The following FOXP2 variants were observed in gnomAD, a reference collection of about 807,000 sequenced individuals.
The protein encoded by FOXP2 is forkhead box protein P2.
Under a neutral mutation model 115.8 loss-of-function variants are expected in FOXP2, and 12 were observed. That is an observed-to-expected ratio of 0.10 (90% CI 0.07 to 0.17). The LOEUF (loss-of-function observed/expected upper bound fraction) is 0.17, where lower values mean the gene tolerates loss of function less well. FOXP2 is among the 10% of genes least tolerant of loss of function. The pLI is 1.00. For missense variants in FOXP2, 629 were observed against 843.5 expected, an observed-to-expected ratio of 0.75 and a Z score of 3.15; for synonymous variants, 328 against 297.7, an observed-to-expected ratio of 1.10 and a Z score of -1.05.
chr7:114,129,747 GA>G (rs1433678952), intron 1 of FOXP2, among the ~76,000 whole-genome samples: 2 of 152,160 alleles, frequency 1.3e-5, no homozygotes, highest in African/African-American at 4.8e-5. Flanking sequence ...GTTGTTGTGT[GA>G]TTGCTTTATA....
At chr7:114,465,542 A>G (rs1479814144) in intron 2 of FOXP2, among the ~76,000 whole-genome samples, 7 of 152,222 alleles carry the variant, frequency 4.6e-5, no homozygotes, top group Admixed American at 1.3e-4. Context: ...GAGTTTAAAG[A>G]AAAATGTTTC....
chr7:114,575,291 C>A (rs1317312370), intron 3 of FOXP2, among the ~76,000 whole-genome samples: 1 of 151,754 alleles, frequency 6.6e-6, no homozygotes, highest in Non-Finnish European at 1.5e-5. Context: ...TAATGACTAA[C>A]ACATAGTAAA....
intron 1 of FOXP2, among the ~76,000 whole-genome samples, chr7:114,118,044 C>G (rs1439837827): frequency 6.6e-6 from 1 of 152,166 alleles, no homozygotes; most frequent in Non-Finnish European, 1.5e-5. Context: ...GGTTAGACTT[C>G]TAACATATGA....
Position 114,224,095 on chromosome 7 carries a change from T to G in FOXP2, c.-102+61007T>G, listed in dbSNP as rs183271418. Among the ~76,000 whole-genome samples, 609 of 152,244 alleles carry G rather than the reference T, an allele frequency of 4.0e-3. 6 individuals carry two copies. Among genetic ancestry groups the G allele is most frequent in the African/African-American group, 0.014 (578 of 41,556 alleles). On this transcript the variant is annotated intron_variant, in intron 1 of 17. Coordinates refer to the FOXP2 transcript ENST00000634411. ...GGCACCGTTTTGAATAGTCTGTTCC[T>G]TCCCTGTTATACATTATTTCCATTT...
intron 2 of FOXP2, among the ~76,000 whole-genome samples, chr7:114,450,758 A>T: frequency 6.6e-6 from 1 of 152,066 alleles, no homozygotes; most frequent in South Asian, 2.1e-4. Flanking sequence ...AGATTTCTTT[A>T]TGATTAAAAA....
At chr7:114,391,048 G>A (rs538393295) in intron 2 of FOXP2, among the ~76,000 whole-genome samples, 16 of 152,184 alleles carry the variant, frequency 1.1e-4, no homozygotes, top group South Asian at 6.2e-4. Flanking sequence ...TTAGCTGGGC[G>A]TGGTGGCAGG....
chr7:114,138,961 C>T (rs942765614), intron 1 of FOXP2, among the ~76,000 whole-genome samples: 1 of 152,044 alleles, frequency 6.6e-6, no homozygotes, highest in Non-Finnish European at 1.5e-5. Flanking sequence ...TTAATTTTAG[C>T]ATTTTTCTTG....
chr7:114,517,939 T>A (rs1428578115), intron 2 of FOXP2, among the ~76,000 whole-genome samples: 1 of 152,170 alleles, frequency 6.6e-6, no homozygotes, highest in African/African-American at 2.4e-5. Context: ...TTAACAATAT[T>A]AATCCTCCAA....
intron 3 of FOXP2, among the ~76,000 whole-genome samples, chr7:114,571,721 T>A (rs1208709455): frequency 6.6e-6 from 1 of 151,888 alleles, no homozygotes; most frequent in African/African-American, 2.4e-5. Flanking sequence ...TTAAGTATTA[T>A]AAGTGAGCTA....
At position 114,492,277 on chromosome 7, in the gene FOXP2, T is replaced by A. The variant is rs1481627123; in HGVS notation, c.169-42340T>A. ...GTGATATCCCCTTTATCATTTTTTA[T>A]TGCGTGTATTTGATTCTTCTCTCTT... On this transcript the variant is annotated intron_variant, in intron 2 of 16. Transcript: ENST00000350908. Among the ~76,000 whole-genome samples, 5 of 152,300 alleles carry A rather than the reference T, an allele frequency of 3.3e-5. No homozygotes were observed. The East Asian group carries it at 7.7e-4, about 24-fold the overall frequency.
At chr7:114,481,812 A>ATCTATCTATATATCTATC (rs1562952222) in intron 2 of FOXP2, among the ~76,000 whole-genome samples, 8 of 125,134 alleles carry the variant, frequency 6.4e-5, no homozygotes, top group African/African-American at 2.4e-4. Context: ...ATCTATCTAT[A>ATCTATCTATATATCTATC]TATCTATCTA....
intron 1 of FOXP2, among the ~76,000 whole-genome samples, chr7:114,232,563 C>T (rs1794908327): frequency 6.6e-6 from 1 of 152,128 alleles, no homozygotes; most frequent in African/African-American, 2.4e-5. Context: ...CCTGTAATCC[C>T]AGCACTTTGG....
At chr7:114,431,872 T>A (rs897920678) in intron 2 of FOXP2, among the ~76,000 whole-genome samples, 9 of 152,120 alleles carry the variant, frequency 5.9e-5, no homozygotes, top group East Asian at 1.9e-4. Context: ...GTATTTTTTT[T>A]AAATAATACA....
At chr7:114,244,693 C>G (rs889199096) in intron 1 of FOXP2, among the ~76,000 whole-genome samples, 14 of 152,090 alleles carry the variant, frequency 9.2e-5, no homozygotes, top group African/African-American at 2.9e-4. Context: ...TACTGATATA[C>G]TAATACTGGC....
intron 2 of FOXP2, among the ~76,000 whole-genome samples, chr7:114,294,665 A>G (rs552042020): frequency 2.3e-4 from 35 of 151,982 alleles, no homozygotes; most frequent in African/African-American, 8.4e-4. Context: ...ACATGGTGAA[A>G]CTCCGTCTTT....
At chr7:114,412,702 A>G (rs1217448221), upstream of FOXP2, among the ~76,000 whole-genome samples, 1 of 152,094 alleles carries the variant, frequency 6.6e-6, no homozygotes, top group Non-Finnish European at 1.5e-5. Context: ...GCTGTGTGAA[A>G]CTGTTGCCTA....
intron 2 of FOXP2, among the ~76,000 whole-genome samples, chr7:114,479,058 G>T (rs573065196): frequency 5.9e-5 from 9 of 151,346 alleles, no homozygotes; most frequent in Non-Finnish European, 1.0e-4. Flanking sequence ...AAAATGTATC[G>T]CAAGTAATAA....
intron 6 of FOXP2, among the ~76,000 whole-genome samples, chr7:114,633,295 C>A (rs1381488043): frequency 1.3e-5 from 2 of 152,020 alleles, no homozygotes; most frequent in Non-Finnish European, 2.9e-5. Context: ...ATGATATAAT[C>A]ATTCTAATAG....
chr7:114,350,593 T>C (rs745871121), intron 2 of FOXP2, among the ~76,000 whole-genome samples: 7 of 152,112 alleles, frequency 4.6e-5, no homozygotes, highest in Non-Finnish European at 1.0e-4. Context: ...CCTCAGCTGC[T>C]GTTTCAGGAG....
Sources: gnomAD v4.1 joint callset for allele counts (sites outside exome capture counted in the v4.1 genomes callset) on GRCh38, gnomAD v4.1.1 for gene constraint, MANE v1.5 for transcripts, NCBI Gene and HGNC (gene_info 2026-07-23, HGNC 2026-07-21) for gene names.